Variants in NSD2 observed in about 807,000 individuals in gnomAD.
NSD2 encodes the protein histone-lysine N-methyltransferase NSD2.
Under a neutral mutation model 139.0 loss-of-function variants are expected in NSD2, and 12 were observed. The ratio of observed to expected loss-of-function variants is 0.09; its 90% confidence interval spans 0.06 to 0.14. NSD2 has a LOEUF of 0.14. Ranked by LOEUF, NSD2 falls within the 10% of genes least tolerant of loss-of-function variation. The pLI is 1.00. For missense variants in NSD2, 1,155 were observed against 1,745.0 expected, an observed-to-expected ratio of 0.66 and a Z score of 6.02; for synonymous variants, 669 against 648.7, an observed-to-expected ratio of 1.03 and a Z score of -0.48.
At chr4:1,935,293 C>CA in intron 7 of NSD2, 31 bp downstream of exon 7, 1 of 1,548,400 alleles carries the variant, frequency 6.5e-7, no homozygotes, top group Non-Finnish European at 8.9e-7. Flanking sequence ...CTTGACCTGT[C>CA]AGAGTGTATG....
intron 1 of NSD2, among the ~76,000 whole-genome samples, chr4:1,894,191 G>T (rs924750453): frequency 6.6e-6 from 1 of 151,944 alleles, no homozygotes; most frequent in African/African-American, 2.4e-5. Flanking sequence ...TCCTGACCTC[G>T]AGTGATCTTC....
intron 3 of NSD2, among the ~76,000 whole-genome samples, chr4:1,913,708 G>GC (rs1013427563): frequency 6.6e-6 from 1 of 152,016 alleles, no homozygotes; most frequent in Admixed American, 6.6e-5. Flanking sequence ...TCCTTACCCT[G>GC]CCCCCTTGCC....
At chr4:1,952,808 C>T (rs746138677) in intron 11 of NSD2, 144 of 1,186,106 alleles carry the variant, frequency 1.2e-4, no homozygotes, top group Non-Finnish European at 1.4e-4. Flanking sequence ...CCTGCACAGC[C>T]GTGGCCCTTC....
chr4:1,934,048 A>G (rs1560692099), intron 6 of NSD2, among the ~76,000 whole-genome samples: 1 of 151,954 alleles, frequency 6.6e-6, no homozygotes, highest in Non-Finnish European at 1.5e-5. Flanking sequence ...TAAATTCCAC[A>G]AGTCTTTGAA....
chr4:1,965,738 G>A (rs765407164), intron 18 of NSD2, among the ~76,000 whole-genome samples: 3 of 152,138 alleles, frequency 2.0e-5, no homozygotes, highest in Non-Finnish European at 2.9e-5. Context: ...TTACCATCAC[G>A]GTGAAGGTGA....
chr4:1,898,658 T>TAAA lies in NSD2; in HGVS notation c.-29-1957_-29-1955dup, dbSNP rs967880779. ...CTGGGTGACAGAGCGAGACTCCGTC[T>TAAA]AAAAAAAAAAAAACAAAAAACAAAA... On this transcript the variant is annotated intron_variant, in intron 1 of 21. Transcript: ENST00000508803. Among the ~76,000 whole-genome samples, 688 of 119,144 alleles carry TAAA rather than the reference T, an allele frequency of 5.8e-3. 8 individuals are homozygous for TAAA. The highest frequency in any genetic ancestry group is 0.021 in the African/African-American group (666 of 31,812). The allele number at this position is 119,144 out of a possible 152,430, so 78.2% of individuals were successfully genotyped here.
chr4:1,911,858 G>T (rs1718738183), intron 3 of NSD2, among the ~76,000 whole-genome samples: 1 of 152,130 alleles, frequency 6.6e-6, no homozygotes, highest in South Asian at 2.1e-4. Context: ...CTTGGGATCA[G>T]ATTACAATAA....
At chr4:1,954,755 A>T in intron 12 of NSD2, 1 of 164,752 alleles carries the variant, frequency 6.1e-6, no homozygotes, top group Non-Finnish European at 1.3e-5. Context: ...TGAGGGTGGC[A>T]GGTTTTCTGT....
intron 6 of NSD2, among the ~76,000 whole-genome samples, chr4:1,933,699 A>G (rs1721962186): frequency 6.6e-6 from 1 of 152,140 alleles, no homozygotes; most frequent in Non-Finnish European, 1.5e-5. Context: ...CGGCCCTGCA[A>G]GATGTTTTAT....
At position 1,948,428 on chromosome 4, in the gene NSD2, C is replaced by A; in HGVS notation, c.1882-2644C>A. ...CGTCACCTGGTGCGTGGAGGTGGAGCCTGCGGCTGGAGTAAGGCTTGCTGT... is the reference window on the plus strand; with the variant it reads ...CGTCACCTGGTGCGTGGAGGTGGAGACTGCGGCTGGAGTAAGGCTTGCTGT... On this transcript the variant is annotated intron_variant, in intron 9 of 21. Transcript: ENST00000508803. The surrounding 1 kb of genome is among the most constrained non-coding windows in gnomAD (Gnocchi z 4.5). 1 of 1,066,352 alleles carries A rather than the reference C, an allele frequency of 9.4e-7. No homozygotes were observed. Among genetic ancestry groups the A allele is most frequent in the Non-Finnish European group, 1.1e-6 (1 of 879,012 alleles). The allele number at this position is 1,066,352 out of a possible 1,614,324, so 66.1% of individuals were successfully genotyped here. A position where few individuals can be genotyped will look rare whatever the true frequency, so the allele number is the denominator to read the frequency against.
chr4:1,961,592 T>C (rs1381388879), intron 18 of NSD2, among the ~76,000 whole-genome samples: 2 of 151,802 alleles, frequency 1.3e-5, no homozygotes, highest in Admixed American at 6.5e-5. Flanking sequence ...ATGCAGCCCA[T>C]ATTTCTAACC....
intron 3 of NSD2, among the ~76,000 whole-genome samples, chr4:1,908,165 C>G (rs953854811): frequency 2.0e-5 from 3 of 152,202 alleles, no homozygotes; most frequent in African/African-American, 7.2e-5. Flanking sequence ...TTCTGCTAGT[C>G]TAGAACAGCA....
chr4:1,978,619 A>G lies in NSD2; in HGVS notation c.3827-19A>G, dbSNP rs73202836. 1,779 of 1,590,986 alleles carry G rather than the reference A, an allele frequency of 1.1e-3. 1 individual carries two copies. Among genetic ancestry groups the G allele is most frequent in the Non-Finnish European group, 1.4e-3 (1,646 of 1,163,698 alleles). On this transcript the variant is annotated intron_variant, in intron 21 of 21. Transcript: ENST00000508803. ...GATTCCATCACTTCTGTGTGCTCAC[A>G]TCTTGTGTTCTGTTGCAGGGAAGTG...
At chr4:1,891,886 CAAAA>C (rs934804387) in intron 1 of NSD2, among the ~76,000 whole-genome samples, 3 of 147,032 alleles carry the variant, frequency 2.0e-5, no homozygotes, top group Admixed American at 2.0e-4. Context: ...AAAAAACAAA[CAAAA>C]ACGAAAAAAC....
At chr4:1,938,412 C>CTTTGTTTTTTTTTTTTTTTTTTTTTTTT in intron 7 of NSD2, 39 bp from the exon 8 acceptor site, 1 of 635,582 alleles carries the variant, frequency 1.6e-6, no homozygotes, top group Non-Finnish European at 2.0e-6. Flanking sequence ...TTTTTTTTTT[C>CTTTGTTTTTTTTTTTTTTTTTTTTTTTT]TTTCTTTTTT....
intron 18 of NSD2, among the ~76,000 whole-genome samples, chr4:1,963,627 G>T: frequency 6.6e-6 from 1 of 152,340 alleles, no homozygotes; most frequent in Non-Finnish European, 1.5e-5. Context: ...TCCTGACATG[G>T]TAATCCACCT....
rs967652518 is a variant in NSD2, at chr4:1,958,675, G to A, written c.2985+639G>A. Among the ~76,000 whole-genome samples, 7 of 152,238 alleles carry A rather than the reference G, an allele frequency of 4.6e-5. No individual in the cohort carries two copies. The South Asian group carries it at 1.4e-3, about 32-fold the overall frequency. ...CTCTGCCTTTGCTTGTAAAATGTGG[G>A]CTGCAGTCAATATCTTTGTATGTAA... On this transcript the variant is annotated intron_variant, in intron 16 of 21. Coordinates refer to ENST00000508803, the MANE Select transcript of NSD2 (RefSeq NM_001042424.3). The surrounding 1 kb of genome is among the most constrained non-coding windows in gnomAD (Gnocchi z 4.6).
chr4:1,897,657 C>A (rs551559073), intron 1 of NSD2, among the ~76,000 whole-genome samples: 1 of 152,326 alleles, frequency 6.6e-6, no homozygotes, highest in East Asian at 1.9e-4. Context: ...ATTTTTGAGA[C>A]AGAGTCTCAC....
intron 21 of NSD2, among the ~76,000 whole-genome samples, chr4:1,977,715 G>A (rs1727244003): frequency 6.6e-6 from 1 of 151,650 alleles, no homozygotes; most frequent in African/African-American, 2.4e-5. Flanking sequence ...GGCGGAGGTT[G>A]CAGTGAGCCA....
Sources: gnomAD v4.1 joint callset for allele counts (sites outside exome capture counted in the v4.1 genomes callset) on GRCh38, gnomAD v4.1.1 for gene constraint, Gnocchi (gnomAD v3.1) non-coding constraint, MANE v1.5 for transcripts, NCBI Gene and HGNC (gene_info 2026-07-23, HGNC 2026-07-21) for gene names.